ADGRB3: variants seen among roughly 807,000 people sequenced by gnomAD.
ADGRB3 encodes the protein brain-specific angiogenesis inhibitor 3.
Under a neutral mutation model 193.4 loss-of-function variants are expected in ADGRB3, and 37 were observed. That is an observed-to-expected ratio of 0.19 (90% CI 0.15 to 0.25). ADGRB3 has a LOEUF of 0.25. Ranked by LOEUF, ADGRB3 falls within the 10% of genes least tolerant of loss-of-function variation. The pLI is 1.00. For missense variants in ADGRB3, 1,637 were observed against 1,852.9 expected, an observed-to-expected ratio of 0.88 and a Z score of 2.14; for synonymous variants, 690 against 644.2, an observed-to-expected ratio of 1.07 and a Z score of -1.08.
intron 11 of ADGRB3, among the ~76,000 whole-genome samples, chr6:69,008,868 C>T (rs975456883): frequency 1.3e-5 from 2 of 152,096 alleles, no homozygotes; most frequent in Admixed American, 6.6e-5. Context: ...CCCATATTTA[C>T]TCAAGATAAC....
chr6:68,706,506 G>A (rs1282210405), intron 3 of ADGRB3, among the ~76,000 whole-genome samples: 1 of 152,174 alleles, frequency 6.6e-6, no homozygotes, highest in Non-Finnish European at 1.5e-5. Flanking sequence ...TGTTTCTGTA[G>A]CAGCAGCATG....
chr6:68,710,525 T>C (rs1428972770), intron 3 of ADGRB3, among the ~76,000 whole-genome samples: 1 of 152,178 alleles, frequency 6.6e-6, no homozygotes, highest in African/African-American at 2.4e-5. Flanking sequence ...AGAAGTCGGC[T>C]TCTGTTTCCT....
At chr6:69,228,882 A>G (rs964645750) in intron 17 of ADGRB3, among the ~76,000 whole-genome samples, 1 of 148,968 alleles carries the variant, frequency 6.7e-6, no homozygotes, top group African/African-American at 2.5e-5. Flanking sequence ...TAAATTCACT[A>G]AACTTCACTT....
chr6:69,331,382 A>G (rs1201615872), intron 23 of ADGRB3, among the ~76,000 whole-genome samples: 1 of 152,172 alleles, frequency 6.6e-6, no homozygotes, highest in African/African-American at 2.4e-5. Context: ...GGAGGAAAGA[A>G]ACTGTCTAAA....
rs140264251 is a variant in ADGRB3 at position 68,656,263 on chromosome 6, C to T, written c.757+16831C>T. Among the ~76,000 whole-genome samples, 105 of 151,592 alleles carry T rather than the reference C, an allele frequency of 6.9e-4. 2 individuals carry two copies. In the East Asian group the frequency reaches 0.02, roughly 29 times the overall value. The stretch of plus-strand genomic sequence containing the variant: ...AGAGAATTAGAAATGTGACGTTAGA[C>T]TTTTAACTCTCTGTAGTCCTTTGTA... On this transcript the variant is annotated intron_variant, in intron 3 of 31. Coordinates refer to ENST00000370598, the MANE Select transcript of ADGRB3 (RefSeq NM_001704.3).
chr6:69,183,515 A>G (rs528219266), intron 17 of ADGRB3, among the ~76,000 whole-genome samples: 23 of 152,208 alleles, frequency 1.5e-4, no homozygotes, highest in African/African-American at 5.3e-4. Flanking sequence ...AAATTGCTAA[A>G]TGCTCTAGAC....
intron 15 of ADGRB3, among the ~76,000 whole-genome samples, chr6:69,056,996 A>G (rs1216779602): frequency 1.3e-5 from 2 of 152,134 alleles, no homozygotes; most frequent in Non-Finnish European, 2.9e-5. Context: ...TTTGGGTAAT[A>G]TGGACATTTT....
At chr6:69,093,229 G>C (rs966266492) in intron 17 of ADGRB3, among the ~76,000 whole-genome samples, 3 of 151,368 alleles carry the variant, frequency 2.0e-5, no homozygotes, top group Admixed American at 6.6e-5. Context: ...GAGAGAGGTG[G>C]GCAGCCTGCG....
chr6:69,200,681 C>T (rs1438412901), intron 17 of ADGRB3, among the ~76,000 whole-genome samples: 1 of 152,098 alleles, frequency 6.6e-6, no homozygotes, highest in African/African-American at 2.4e-5. Flanking sequence ...TTCTCAGCTG[C>T]ATCTCCCTGG....
At chr6:68,848,831 AT>A (rs1338359412) in intron 3 of ADGRB3, among the ~76,000 whole-genome samples, 1 of 152,078 alleles carries the variant, frequency 6.6e-6, no homozygotes, top group Non-Finnish European at 1.5e-5. Flanking sequence ...AACCTAAAAA[AT>A]ATTTCATTTA....
In ADGRB3 at chr6:69,327,857, C is replaced by T; in HGVS notation, c.3003C>T (p.Phe1001=). 2 of 1,610,392 alleles carry T rather than the reference C, an allele frequency of 1.2e-6. No individual in the cohort carries two copies. Among genetic ancestry groups the T allele is most frequent in the East Asian group, 2.2e-5 (1 of 44,820 alleles). ...TAGTAGTGGCCACATCAGTAGGCTT[C>T]ACCAGAACAAAAGGATATGGCACTG... ...PALVVATSVG[F]TRTKGYGTDH... is the part of the protein sequence containing the mutation. Residue 1001 remains phenylalanine (F), a synonymous_variant, in exon 22 of 32, where the codon TTC becomes TTT. Transcript: ENST00000370598.
intron 3 of ADGRB3, among the ~76,000 whole-genome samples, chr6:68,851,118 C>G (rs1038481659): frequency 1.3e-5 from 2 of 151,932 alleles, no homozygotes; most frequent in African/African-American, 4.8e-5. Context: ...TCTATCTGCT[C>G]TGATAAAACA....
intron 17 of ADGRB3, among the ~76,000 whole-genome samples, chr6:69,090,814 A>C (rs949459616): frequency 6.6e-6 from 1 of 152,216 alleles, no homozygotes; most frequent in Non-Finnish European, 1.5e-5. Context: ...CCATCATGCA[A>C]TGCCTAATGG....
At chr6:68,976,415 T>C (rs925890269) in intron 10 of ADGRB3, among the ~76,000 whole-genome samples, 2 of 152,174 alleles carry the variant, frequency 1.3e-5, no homozygotes, top group African/African-American at 4.8e-5. Flanking sequence ...TATATACTTA[T>C]GTATATCTAT....
chr6:69,122,646 C>T (rs1396957539), intron 17 of ADGRB3, among the ~76,000 whole-genome samples: 1 of 151,906 alleles, frequency 6.6e-6, no homozygotes, highest in African/African-American at 2.4e-5. Context: ...TTAGATGCAA[C>T]CTTTGAGTCA....
At chr6:69,338,121 A>G (rs1176078048) in intron 24 of ADGRB3, among the ~76,000 whole-genome samples, 2 of 152,190 alleles carry the variant, frequency 1.3e-5, no homozygotes, top group Non-Finnish European at 2.9e-5. Context: ...CTTTGCTTCT[A>G]TAATGTAGTA....
chr6:68,680,383 G>C (rs570406207), intron 3 of ADGRB3, among the ~76,000 whole-genome samples: 30 of 152,322 alleles, frequency 2.0e-4, no homozygotes, highest in African/African-American at 5.5e-4. Context: ...CAGGGCAAGA[G>C]AGAGGAGAAA....
intron 3 of ADGRB3, among the ~76,000 whole-genome samples, chr6:68,908,987 T>G (rs1766625025): frequency 6.6e-6 from 1 of 152,182 alleles, no homozygotes; most frequent in African/African-American, 2.4e-5. Context: ...TTTCTTCTTT[T>G]GGATGAAATC....
intron 3 of ADGRB3, among the ~76,000 whole-genome samples, chr6:68,683,726 G>A (rs1400656294): frequency 1.3e-5 from 2 of 152,182 alleles, no homozygotes; most frequent in Non-Finnish European, 2.9e-5. Flanking sequence ...GGAAGATTGT[G>A]AGCAGAGAAG....
Sources: gnomAD v4.1 joint callset for allele counts (sites outside exome capture counted in the v4.1 genomes callset) on GRCh38, gnomAD v4.1.1 for gene constraint, MANE v1.5 for transcripts, NCBI Gene and HGNC (gene_info 2026-07-23, HGNC 2026-07-21) for gene names.